The following FGD4 variants were observed in gnomAD, a reference collection of about 807,000 sequenced individuals.
The protein encoded by FGD4 is FYVE, RhoGEF and PH domain-containing protein 4.
FGD4 carries 42 observed loss-of-function variants against 102.0 expected under a neutral mutation model. That is an observed-to-expected ratio of 0.41 (90% confidence interval 0.32 to 0.53). The LOEUF (loss-of-function observed/expected upper bound fraction) is 0.53, where lower values mean the gene tolerates loss of function less well. Among genes scored for constraint, FGD4 ranks in the 20% least tolerant of loss-of-function variants. FGD4 has a pLI of 0.21. For synonymous variants in FGD4, 380 were observed against 375.7 expected (o/e 1.01, Z -0.13); for missense variants, 902 against 1,078.2 (o/e 0.84, Z 2.29).
At chr12:32,456,682 TTAATCTAGAAATACTTGACCAAAG>T (rs1364360096) in intron 1 of FGD4, among the ~76,000 whole-genome samples, 2 of 152,204 alleles carry the variant, frequency 1.3e-5, no homozygotes, top group African/African-American at 4.8e-5. Context: ...TAGAATGTAC[TTAATCTAGAAATACTTGACCAAAG>T]TAGTCAAAAG....
At chr12:32,444,464 G>T (rs1482317082) in intron 1 of FGD4, among the ~76,000 whole-genome samples, 4 of 152,120 alleles carry the variant, frequency 2.6e-5, no homozygotes, top group South Asian at 2.1e-4. Flanking sequence ...GAGTGCAGTG[G>T]TGCAATCTCG....
chr12:32,404,565 A>T (rs1489638710), intron 1 of FGD4, among the ~76,000 whole-genome samples: 1 of 152,170 alleles, frequency 6.6e-6, no homozygotes, highest in Non-Finnish European at 1.5e-5. Flanking sequence ...CAGAGGCAGG[A>T]TTCAGACTTA....
intron 1 of FGD4, among the ~76,000 whole-genome samples, chr12:32,477,149 G>A (rs1026118735): frequency 8.5e-5 from 13 of 152,072 alleles, no homozygotes; most frequent in South Asian, 2.1e-4. Context: ...TTAGCCGGGC[G>A]TGGTGGTGGG....
intron 4 of FGD4, among the ~76,000 whole-genome samples, chr12:32,594,919 T>C (rs1947762036): frequency 1.3e-5 from 2 of 151,704 alleles, no homozygotes; most frequent in South Asian, 4.2e-4. Context: ...TAGTGTCAGC[T>C]GCTTGGGGGG....
chr12:32,618,456 C>T (rs1427250484), intron 10 of FGD4, among the ~76,000 whole-genome samples: 1 of 151,788 alleles, frequency 6.6e-6, no homozygotes, highest in Non-Finnish European at 1.5e-5. Flanking sequence ...CCTTTTGGAG[C>T]TTTTTTTCAC....
At chr12:32,634,920 G>A (rs372942690) in intron 15 of FGD4, among the ~76,000 whole-genome samples, 5 of 152,196 alleles carry the variant, frequency 3.3e-5, no homozygotes, top group South Asian at 4.1e-4. Context: ...CCCGGGAGGC[G>A]GAGATTGCAG....
At position 32,610,702 on chromosome 12, in the gene FGD4, G is replaced by T; in HGVS notation, c.1544-74G>T. The T allele has an allele frequency of 4.4e-6, 6 of 1,353,662 alleles. 1 individual carries two copies. The South Asian group carries it at 7.3e-5, about 16-fold the overall frequency. 83.9% of individuals were successfully genotyped at this position (1,353,662 alleles called of 1,614,324 possible). On this transcript the variant is annotated intron_variant, in intron 8 of 16. Coordinates refer to ENST00000534526, the MANE Select transcript of FGD4 (RefSeq NM_001370298.3). ...CTTTGGTCTCAGACTTCTTAATTTAGTAAGTTACTCAGCTATATAGAAGCA... is the reference window on the plus strand; with the variant it reads ...CTTTGGTCTCAGACTTCTTAATTTATTAAGTTACTCAGCTATATAGAAGCA...
At chr12:32,592,295 T>C (rs1592329044) in intron 4 of FGD4, among the ~76,000 whole-genome samples, 1 of 151,850 alleles carries the variant, frequency 6.6e-6, no homozygotes, top group Non-Finnish European at 1.5e-5. Context: ...TATCTTACTT[T>C]TGATATCTCT....
intron 11 of FGD4, among the ~76,000 whole-genome samples, chr12:32,623,478 C>G (rs187297863): frequency 5.7e-4 from 87 of 152,206 alleles, no homozygotes; most frequent in Admixed American, 3.9e-3. Flanking sequence ...GTTCAATAAT[C>G]AATTTGCTGG....
intron 8 of FGD4, among the ~76,000 whole-genome samples, 176 bp downstream of exon 8, chr12:32,608,271 A>T (rs554395921): frequency 6.6e-6 from 1 of 152,260 alleles, no homozygotes; most frequent in South Asian, 2.1e-4. Context: ...TTTTGAGCCA[A>T]AATGACAAGT....
At chr12:32,563,216 C>T (rs1247388984) in intron 1 of FGD4, among the ~76,000 whole-genome samples, 4 of 151,762 alleles carry the variant, frequency 2.6e-5, no homozygotes, top group Admixed American at 2.6e-4. Flanking sequence ...GGGTGGCTGC[C>T]GGGCAGAGGG....
chr12:32,599,823 C>T (rs1948250088), intron 5 of FGD4, among the ~76,000 whole-genome samples: 1 of 151,922 alleles, frequency 6.6e-6, no homozygotes, highest in Non-Finnish European at 1.5e-5. Flanking sequence ...GCTGGGATTA[C>T]AGGCGTGAGC....
At chr12:32,485,224 CCT>C (rs1426613417) in intron 1 of FGD4, among the ~76,000 whole-genome samples, 1 of 152,104 alleles carries the variant, frequency 6.6e-6, no homozygotes, top group Non-Finnish European at 1.5e-5. Context: ...TCAGTGCCTT[CCT>C]CTTTTAAAAA....
chr12:32,471,596 C>G (rs558342130), intron 1 of FGD4, among the ~76,000 whole-genome samples: 12 of 152,306 alleles, frequency 7.9e-5, no homozygotes, highest in Non-Finnish European at 1.6e-4. Context: ...ATAAACTACT[C>G]TAAAGCTTAG....
intron 11 of FGD4, among the ~76,000 whole-genome samples, chr12:32,621,884 G>T (rs1949861369): frequency 7.2e-6 from 1 of 138,960 alleles, no homozygotes; most frequent in Non-Finnish European, 1.6e-5. Flanking sequence ...TGGCAACAGG[G>T]AACACTTTTT....
intron 1 of FGD4, among the ~76,000 whole-genome samples, chr12:32,536,673 G>A (rs1294866890): frequency 1.3e-5 from 2 of 152,138 alleles, no homozygotes; most frequent in Non-Finnish European, 2.9e-5. Flanking sequence ...TTGGTTATAC[G>A]TTGAAGCAGG....
At chr12:32,427,716 T>C (rs1290370164) in intron 1 of FGD4, among the ~76,000 whole-genome samples, 2 of 152,208 alleles carry the variant, frequency 1.3e-5, no homozygotes, top group Non-Finnish European at 2.9e-5. Context: ...TGTAGGTCGC[T>C]AAGAACTTGC....
At chr12:32,471,345 T>C (rs942864946) in intron 1 of FGD4, among the ~76,000 whole-genome samples, 6 of 152,162 alleles carry the variant, frequency 3.9e-5, no homozygotes, top group Admixed American at 2.6e-4. Flanking sequence ...TCCATCCGTA[T>C]CTCTCTCTAT....
intron 1 of FGD4, among the ~76,000 whole-genome samples, chr12:32,563,116 G>C (rs1464186066): frequency 6.6e-6 from 1 of 151,190 alleles, no homozygotes; most frequent in Non-Finnish European, 1.5e-5. Flanking sequence ...CTCCCTCCCG[G>C]ACGGGACGGC....
Sources: allele counts gnomAD v4.1 joint callset (sites outside exome capture counted in the v4.1 genomes callset), GRCh38; gene constraint gnomAD v4.1.1; transcripts MANE v1.5; gene names NCBI Gene and HGNC (gene_info 2026-07-23, HGNC 2026-07-21).